Variants in UBR2 observed in about 807,000 individuals in gnomAD.
UBR2 encodes ubiquitin protein ligase E3 component n-recognin 2.
Under a neutral mutation model 247.9 loss-of-function variants are expected in UBR2, and 92 were observed. The ratio of observed to expected loss-of-function variants is 0.37; its 90% confidence interval spans 0.31 to 0.44. The LOEUF (loss-of-function observed/expected upper bound fraction) is 0.44, where lower values mean the gene tolerates loss of function less well. UBR2 is among the 20% of genes least tolerant of loss of function. The pLI is 1.00. For synonymous variants in UBR2, 672 were observed against 693.5 expected (o/e 0.97, Z 0.49); for missense variants, 1,613 against 2,112.6 (o/e 0.76, Z 4.64).
At chr6:42,623,417 A>G (rs1477950118) in intron 11 of UBR2, among the ~76,000 whole-genome samples, 2 of 152,076 alleles carry the variant, frequency 1.3e-5, no homozygotes, top group African/African-American at 2.4e-5. Context: ...GACTATAGGC[A>G]TGCACCACTG....
intron 21 of UBR2, 46 bp from the exon 22 acceptor site, chr6:42,648,072 A>G (rs180788815): frequency 6.7e-7 from 1 of 1,486,840 alleles, no homozygotes; most frequent in Admixed American, 1.7e-5. Context: ...TAAGAGTGCT[A>G]GTAGTTATTA....
chr6:42,637,279 G>T, intron 15 of UBR2, 85 bp downstream of exon 15: 1 of 1,393,764 alleles, frequency 7.2e-7, no homozygotes, highest in East Asian at 2.4e-5. Flanking sequence ...CTTACTTTGT[G>T]CCAGATGTTA....
chr6:42,688,121 G>A (rs903095837), intron 44 of UBR2, 95 bp from the exon 45 acceptor site: 3 of 1,444,202 alleles, frequency 2.1e-6, no homozygotes, highest in Middle Eastern at 1.8e-4. Flanking sequence ...GGCTTTACTT[G>A]ATATTGCAGA....
chr6:42,582,795 A>T (rs1479531838), intron 2 of UBR2, among the ~76,000 whole-genome samples: 3 of 152,188 alleles, frequency 2.0e-5, no homozygotes, highest in African/African-American at 7.2e-5. Context: ...AGCATATACT[A>T]CATAGACTGT....
intron 35 of UBR2, 50 bp downstream of exon 35, chr6:42,670,290 T>C: frequency 9.5e-6 from 15 of 1,585,608 alleles, no homozygotes; most frequent in Non-Finnish European, 1.3e-5. Context: ...TTCATTGATA[T>C]GAATTAGGCA....
chr6:42,675,962 A>T (rs1798696434), intron 38 of UBR2, 94 bp from the exon 39 acceptor site: 1 of 1,492,436 alleles, frequency 6.7e-7, no homozygotes. Context: ...GTCTCAAAAA[A>T]AAAATCAAAA....
At chr6:42,581,070 A>G (rs1248048418) in intron 2 of UBR2, among the ~76,000 whole-genome samples, 4 of 135,986 alleles carry the variant, frequency 2.9e-5, no homozygotes, top group African/African-American at 1.1e-4. Context: ...CTGGAGTGCA[A>G]TGGCATGATC....
intron 1 of UBR2, among the ~76,000 whole-genome samples, chr6:42,571,094 T>G (rs1791101368): frequency 6.6e-6 from 1 of 151,910 alleles, no homozygotes; most frequent in African/African-American, 2.4e-5. Context: ...GCATAATTTT[T>G]TTTTAGAAAG....
chr6:42,573,705 AC>A (rs992360443), intron 1 of UBR2, 28 bp from the exon 2 acceptor site: 1 of 1,475,238 alleles, frequency 6.8e-7, no homozygotes, highest in African/African-American at 1.4e-5. Flanking sequence ...GGTGTTTAAA[AC>A]CATTTCTTCT....
Position 42,632,691 on chromosome 6 carries a change from T to C in UBR2, c.1421T>C (p.Val474Ala), listed in dbSNP as rs1248163792. 1 of 1,601,912 alleles carries C rather than the reference T, an allele frequency of 6.2e-7. No homozygotes were observed. The highest frequency in any genetic ancestry group is 8.5e-7 in the Non-Finnish European group (1 of 1,176,318). Residue 474 changes from valine (V) to alanine (A), a missense_variant, in exon 12 of 47, where the codon GTA (valine) becomes GCA (alanine). Physicochemically the swap from Val to Ala is moderately conservative, Grantham distance 64. Around this residue, in one of 3 missense-constraint regions of UBR2, gnomAD observed 1,524 missense variants for 1,967.3 expected, o/e 0.77. Coordinates refer to ENST00000372901, the MANE Select transcript of UBR2 (RefSeq NM_001363705.2). ...TTACAAGCCTTCAAATTTAGGAGAG[T>C]ACAGAGCCTTATTTTAGATCTCAAG... ...TALQAFKFRRVQSLILDLKYV... is the reference protein window; with the variant it reads ...TALQAFKFRRAQSLILDLKYV...
chr6:42,604,894 G>T (rs1417879081), intron 5 of UBR2, among the ~76,000 whole-genome samples: 1 of 152,048 alleles, frequency 6.6e-6, no homozygotes, highest in Non-Finnish European at 1.5e-5. Context: ...GGGCAGGGTA[G>T]TGCATGCCTG....
At chr6:42,617,704 T>G (rs1794651367) in intron 11 of UBR2, among the ~76,000 whole-genome samples, 197 bp downstream of exon 11, 1 of 152,222 alleles carries the variant, frequency 6.6e-6, no homozygotes, top group African/African-American at 2.4e-5. Flanking sequence ...GGAAGTCATT[T>G]AAACTTAATT....
intron 41 of UBR2, among the ~76,000 whole-genome samples, 158 bp downstream of exon 41, chr6:42,678,827 T>C (rs942337710): frequency 6.6e-6 from 1 of 152,236 alleles, no homozygotes; most frequent in African/African-American, 2.4e-5. Context: ...TGTATGTTTA[T>C]GCATATGTCT....
intron 32 of UBR2, 56 bp from the exon 33 acceptor site, chr6:42,665,351 CTT>C: frequency 1.5e-6 from 2 of 1,315,288 alleles, no homozygotes; most frequent in Admixed American, 2.1e-5. Flanking sequence ...TTTAAGGAGT[CTT>C]TTGTATCTTA....
chr6:42,690,318 C>T (rs373711284), intron 46 of UBR2, among the ~76,000 whole-genome samples: 6 of 152,338 alleles, frequency 3.9e-5, no homozygotes, highest in African/African-American at 4.8e-5. Flanking sequence ...CTGCCCCAGG[C>T]GCTGGACTGC....
At chr6:42,581,303 C>T (rs1791885109) in intron 2 of UBR2, among the ~76,000 whole-genome samples, 1 of 152,078 alleles carries the variant, frequency 6.6e-6, no homozygotes, top group African/African-American at 2.4e-5. Flanking sequence ...AATTCTCCCA[C>T]CTCAGCCTCC....
At chr6:42,627,568 G>A (rs1795432852) in intron 11 of UBR2, among the ~76,000 whole-genome samples, 1 of 152,060 alleles carries the variant, frequency 6.6e-6, no homozygotes, top group African/African-American at 2.4e-5. Context: ...TGCAATCGTG[G>A]CCCACTGCAG....
rs1168444161 is a variant in UBR2 at position 42,612,259 on chromosome 6, T to C, written c.953T>C (p.Leu318Ser). Residue 318 changes from leucine to serine, a missense_variant, in exon 8 of 47, where the codon TTG (leucine) becomes TCG (serine). Coordinates refer to ENST00000372901, the MANE Select transcript of UBR2 (RefSeq NM_001363705.2). ...VAHQNFGLKL[L>S]SWLGSIIGYS... is the part of the protein sequence containing the mutation. The stretch of plus-strand genomic sequence containing the variant: ...CATCAGAATTTTGGTTTGAAACTTT[T>C]GTCTTGGCTGGGAAGTATTATTGGA... 1 of 1,537,644 alleles carries C rather than the reference T, an allele frequency of 6.5e-7. No individual in the cohort carries two copies. The highest frequency in any genetic ancestry group is 1.7e-5 in the Admixed American group (1 of 59,244).
At chr6:42,614,376 GTATA>G (rs1304264760) in intron 8 of UBR2, among the ~76,000 whole-genome samples, 11 of 131,336 alleles carry the variant, frequency 8.4e-5, no homozygotes, top group East Asian at 2.2e-4. Context: ...GTGTATGTGT[GTATA>G]TATGTATGTA....
Sources: allele counts gnomAD v4.1 joint callset (sites outside exome capture counted in the v4.1 genomes callset), GRCh38; gene constraint gnomAD v4.1.1; regional missense constraint gnomAD v4.1.1; transcripts MANE v1.5; gene names NCBI Gene and HGNC (gene_info 2026-07-23, HGNC 2026-07-21).